Variants in GPATCH1 observed in about 807,000 individuals in gnomAD.
The protein encoded by GPATCH1 is G patch domain-containing protein 1.
A neutral mutation model predicts 114.9 loss-of-function variants in GPATCH1; 73 were observed. That is an observed-to-expected ratio of 0.64 (90% CI 0.53 to 0.77). The LOEUF (loss-of-function observed/expected upper bound fraction) is 0.77. Ranked by LOEUF, GPATCH1 falls within the 30% of genes least tolerant of loss-of-function variation. GPATCH1 has a pLI of 0.00. For synonymous variants in GPATCH1, 391 were observed against 428.4 expected (o/e 0.91, Z 1.08); for missense variants, 1,058 against 1,144.3 (o/e 0.92, Z 1.09).
intron 7 of GPATCH1, 84 bp downstream of exon 7, chr19:33,096,530 AT>A: frequency 2.2e-5 from 26 of 1,199,188 alleles, no homozygotes; most frequent in Non-Finnish European, 2.9e-5. Flanking sequence ...GAGGTTCTTT[AT>A]TTTCTTTTTT....
chr19:33,125,078 C>G (rs549358502), intron 17 of GPATCH1, 27 bp from the exon 18 acceptor site: 1 of 1,576,568 alleles, frequency 6.3e-7, no homozygotes, highest in Admixed American at 1.9e-5. Flanking sequence ...CTATATAGGT[C>G]CTGTGTTTAT....
rs560959270 is a variant in GPATCH1, at chr19:33,096,539, T to C, written c.852+93T>C. 2.5e-5 allele frequency: 27 copies of C among 1,079,780 alleles called. No individual in the cohort carries two copies. In the East Asian group the frequency reaches 5.7e-4, roughly 23 times the overall value. The allele number at this position is 1,079,780 out of a possible 1,614,324, so 66.9% of individuals were successfully genotyped here. A position where few individuals can be genotyped will look rare whatever the true frequency, so the allele number is the denominator to read the frequency against. ...TTTTTAGAGGTTCTTTATTTTCTTTTTTTTTCCCCCTAATCCTCAAGTGGA... is the reference window on the plus strand; with the variant it reads ...TTTTTAGAGGTTCTTTATTTTCTTTCTTTTTCCCCCTAATCCTCAAGTGGA... On this transcript the variant is annotated intron_variant, in intron 7 of 19. Transcript: ENST00000170564.
intron 15 of GPATCH1, among the ~76,000 whole-genome samples, chr19:33,117,137 A>C (rs1972924946): frequency 6.6e-6 from 1 of 152,128 alleles, no homozygotes; most frequent in African/African-American, 2.4e-5. Context: ...TCAACACTGC[A>C]GTGTGCTATG....
intron 15 of GPATCH1, among the ~76,000 whole-genome samples, chr19:33,115,234 T>C (rs1205611818): frequency 7.7e-6 from 1 of 130,372 alleles, no homozygotes; most frequent in Non-Finnish European, 1.6e-5. Context: ...AATTTTTTTT[T>C]TTTTTTTTTT....
intron 9 of GPATCH1, among the ~76,000 whole-genome samples, chr19:33,103,466 T>C (rs1412835099): frequency 7.2e-5 from 11 of 152,134 alleles, no homozygotes; most frequent in Admixed American, 7.2e-4. Flanking sequence ...TTTGGGAGGC[T>C]GAGGCGGATG....
chr19:33,108,456 G>A (rs1405790289), intron 10 of GPATCH1, among the ~76,000 whole-genome samples: 1 of 151,500 alleles, frequency 6.6e-6, no homozygotes, highest in African/African-American at 2.4e-5. Flanking sequence ...AAGGGCCTTT[G>A]TGTTTGCTGT....
rs200492580 is a variant in GPATCH1, at chr19:33,088,251, C to G, written c.191C>G (p.Thr64Ser). The G allele has an allele frequency of 1.3e-4, 205 of 1,599,086 alleles. No individual in the cohort carries two copies. Among genetic ancestry groups the G allele is most frequent in the Non-Finnish European group, 1.7e-4 (199 of 1,173,398 alleles). ...GGTTTCTCTGCTGGATACTTCAATA[C>G]TGTTGGCTCAAAAGAAGGTATCATT... ...SGGFSAGYFNTVGSKEGWTPS... is the reference protein window; with the variant it reads ...SGGFSAGYFNSVGSKEGWTPS... Residue 64 changes from threonine to serine, a missense_variant, in exon 2 of 20, where the codon ACT (threonine) becomes AGT (serine). Physicochemically the swap from Thr to Ser is moderately conservative, Grantham distance 58. This residue lies in a region of GPATCH1 where 131 missense variants were observed against 107.2 expected (regional missense o/e 1.22). Transcript: ENST00000170564.
intron 8 of GPATCH1, 37 bp from the exon 9 acceptor site, chr19:33,101,458 T>C (rs759720772): frequency 8.8e-7 from 1 of 1,135,732 alleles, no homozygotes; most frequent in Non-Finnish European, 1.3e-6. Flanking sequence ...TCTAATCATC[T>C]CTACTTCTGG....
chr19:33,109,183 C>T (rs991608711), intron 10 of GPATCH1, among the ~76,000 whole-genome samples: 4 of 152,054 alleles, frequency 2.6e-5, no homozygotes, highest in African/African-American at 9.7e-5. Context: ...CACCACCGTA[C>T]TCCAGTCCAG....
chr19:33,090,414 GA>G (rs1228542955), intron 2 of GPATCH1, among the ~76,000 whole-genome samples: 1 of 152,172 alleles, frequency 6.6e-6, no homozygotes, highest in Non-Finnish European at 1.5e-5. Flanking sequence ...CATTTCTTTA[GA>G]TATGTTAATA....
intron 19 of GPATCH1, among the ~76,000 whole-genome samples, chr19:33,127,307 A>G (rs550980483): frequency 2.0e-5 from 3 of 152,128 alleles, no homozygotes; most frequent in South Asian, 4.2e-4. Flanking sequence ...TCACAAGGTC[A>G]GGAGCTCGAG....
chr19:33,092,454 TC>T (rs1972607315), intron 3 of GPATCH1, among the ~76,000 whole-genome samples: 1 of 152,128 alleles, frequency 6.6e-6, no homozygotes, highest in Non-Finnish European at 1.5e-5. Context: ...CCTAACGCAG[TC>T]CCTGGCAAGG....
At chr19:33,112,698 T>G in intron 13 of GPATCH1, 85 bp downstream of exon 13, 1 of 1,026,788 alleles carries the variant, frequency 9.7e-7, no homozygotes, top group Non-Finnish European at 1.4e-6. Flanking sequence ...ATATAAATTC[T>G]TATTTTTTCT....
intron 15 of GPATCH1, among the ~76,000 whole-genome samples, chr19:33,117,362 T>C (rs1972927659): frequency 6.6e-6 from 1 of 152,200 alleles, no homozygotes; most frequent in Admixed American, 6.6e-5. Context: ...TTAAGTTGCC[T>C]GAATCTGAGT....
chr19:33,114,797 C>CTTTTTT lies in GPATCH1; in HGVS notation c.2196+396_2196+401dup, dbSNP rs546074419. Among the ~76,000 whole-genome samples the CTTTTTT allele has an allele frequency of 1.0e-3, 89 of 87,140 alleles. 1 individual carries two copies. Among genetic ancestry groups the CTTTTTT allele is most frequent in the Admixed American group, 1.8e-3 (11 of 6,088 alleles). 57.2% of individuals were successfully genotyped at this position (87,140 alleles called of 152,430 possible). ...ATACATTTAGGATTGCTATTTCTCT[C>CTTTTTT]TTTTTTTTTTTTTTTTTTTTTTTGA... On this transcript the variant is annotated intron_variant, in intron 15 of 19. Transcript: ENST00000170564.
chr19:33,121,907 T>C (rs1972988971), intron 17 of GPATCH1, among the ~76,000 whole-genome samples: 1 of 152,184 alleles, frequency 6.6e-6, no homozygotes, highest in South Asian at 2.1e-4. Flanking sequence ...ACTGGTTTGA[T>C]TAGCTAACTG....
intron 8 of GPATCH1, 75 bp downstream of exon 8, chr19:33,097,977 A>G (rs1370038118): frequency 2.3e-6 from 3 of 1,332,248 alleles, no homozygotes; most frequent in East Asian, 4.6e-5. Context: ...CAAGAGCGAT[A>G]CAGGAGCACC....
intron 15 of GPATCH1, 114 bp downstream of exon 15, chr19:33,114,533 T>C: frequency 1.2e-6 from 1 of 824,628 alleles, no homozygotes; most frequent in Non-Finnish European, 1.9e-6. Context: ...ATTGATCCAT[T>C]TCCCCTTAAA....
At chr19:33,127,221 T>C (rs970996993) in intron 19 of GPATCH1, among the ~76,000 whole-genome samples, 1 of 151,294 alleles carries the variant, frequency 6.6e-6, no homozygotes, top group Non-Finnish European at 1.5e-5. Flanking sequence ...GAATATATTA[T>C]CATTATGAAA....
Sources: gnomAD v4.1 joint callset for allele counts (sites outside exome capture counted in the v4.1 genomes callset) on GRCh38, gnomAD v4.1.1 for gene constraint, gnomAD v4.1.1 regional missense constraint, MANE v1.5 for transcripts, NCBI Gene and HGNC (gene_info 2026-07-23, HGNC 2026-07-21) for gene names.